Variants in ANKRD12 observed in about 807,000 individuals in gnomAD.
ANKRD12 encodes the protein ankyrin repeat domain 12.
In ANKRD12, 85 loss-of-function variants were observed where a neutral mutation model predicts 183.4. The ratio of observed to expected loss-of-function variants is 0.46; its 90% CI spans 0.39 to 0.56. The LOEUF (loss-of-function observed/expected upper bound fraction) is 0.56, where lower values mean the gene tolerates loss of function less well. Among genes scored for constraint, ANKRD12 ranks in the 20% least tolerant of loss-of-function variants. The pLI is 0.00. For missense variants in ANKRD12, 2,405 were observed against 2,357.1 expected (o/e 1.02, Z -0.42); for synonymous variants, 914 against 800.2 (o/e 1.14, Z -2.40).
At chr18:9,272,408 C>A (rs1272145530) in intron 10 of ANKRD12, among the ~76,000 whole-genome samples, 10 of 151,866 alleles carry the variant, frequency 6.6e-5, no homozygotes. Context: ...ACTAAAAATA[C>A]AAAATTAGCC....
rs1318443457 is a variant in ANKRD12 at position 9,200,072 on chromosome 18, C to T, written c.235+4374C>T. Among the ~76,000 whole-genome samples, 7 of 152,198 alleles carry T rather than the reference C, an allele frequency of 4.6e-5. No individual in the cohort carries two copies. In the East Asian group the frequency reaches 1.3e-3, roughly 29 times the overall value. On this transcript the variant is annotated intron_variant, in intron 3 of 12. Coordinates refer to ENST00000262126, the MANE Select transcript of ANKRD12 (RefSeq NM_015208.5). ...CCCAAATCAGCAGTAATGCTGTCTACTGAATGAGAGATTCCTAGCCTTCAT... is the reference window on the plus strand; with the variant it reads ...CCCAAATCAGCAGTAATGCTGTCTATTGAATGAGAGATTCCTAGCCTTCAT...
chr18:9,139,367 C>T (rs150965358), intron 1 of ANKRD12, among the ~76,000 whole-genome samples: 1 of 152,162 alleles, frequency 6.6e-6, no homozygotes, highest in Admixed American at 6.5e-5. Context: ...GACTGATACT[C>T]TTTTGAAGTA....
intron 1 of ANKRD12, among the ~76,000 whole-genome samples, chr18:9,153,993 T>C (rs2029999120): frequency 6.6e-6 from 1 of 152,176 alleles, no homozygotes; most frequent in Non-Finnish European, 1.5e-5. Context: ...CTAAGAGGAT[T>C]TTAAATGTTT....
At chr18:9,170,820 T>C (rs564334732) in intron 1 of ANKRD12, among the ~76,000 whole-genome samples, 1 of 152,214 alleles carries the variant, frequency 6.6e-6, no homozygotes, top group Non-Finnish European at 1.5e-5. Flanking sequence ...TCTGTTTTTT[T>C]CCCATCTTTG....
intron 1 of ANKRD12, among the ~76,000 whole-genome samples, chr18:9,179,730 C>T (rs1235713720): frequency 6.6e-6 from 1 of 152,130 alleles, no homozygotes; most frequent in Non-Finnish European, 1.5e-5. Flanking sequence ...TGTCCTCAGG[C>T]TGGTCTTGAA....
At chr18:9,179,110 A>G (rs2033509467) in intron 1 of ANKRD12, among the ~76,000 whole-genome samples, 2 of 152,164 alleles carry the variant, frequency 1.3e-5, no homozygotes, top group African/African-American at 2.4e-5. Context: ...AATAATTTTT[A>G]TATATTGACC....
At chr18:9,193,135 A>ATTT (rs397751904) in intron 2 of ANKRD12, among the ~76,000 whole-genome samples, 2 of 128,462 alleles carry the variant, frequency 1.6e-5, no homozygotes, top group Admixed American at 8.0e-5. Flanking sequence ...TGAGTACAGC[A>ATTT]TTTTTTTTTT....
chr18:9,254,150 T>A (rs926858797), intron 8 of ANKRD12, 61 bp from the exon 9 acceptor site: 2 of 1,436,234 alleles, frequency 1.4e-6, no homozygotes, highest in Admixed American at 2.6e-5. Flanking sequence ...GAAAAAAAAA[T>A]TATTTTTCTG....
rs755211254 is a variant in ANKRD12 at position 9,255,573 on chromosome 18, A to G, written c.2306A>G (p.Asp769Gly). 11 of 1,569,304 alleles carry G rather than the reference A, an allele frequency of 7.0e-6. No homozygotes were observed. Among genetic ancestry groups the G allele is most frequent in the Non-Finnish European group, 9.4e-6 (11 of 1,168,516 alleles). ...TCTTTTAGGGAGGAAAAAATAAAAG[A>G]TCTAAAAGAAGAGAGAGAAAACATA... ...EKSFREEKIK[D>G]LKEERENIPT... is the part of the protein sequence containing the mutation. The change falls in exon 9 of 13, where the codon GAT becomes GGT. Residue 769 changes from aspartate (D) to glycine (G), a missense_variant. Asp to Gly is a moderately conservative substitution (Grantham distance 94). Transcript: ENST00000262126.
intron 1 of ANKRD12, among the ~76,000 whole-genome samples, chr18:9,168,017 C>G (rs2032273521): frequency 6.6e-6 from 1 of 152,130 alleles, no homozygotes; most frequent in Admixed American, 6.6e-5. Context: ...TGCTGGCTTA[C>G]ATTTATTGAT....
chr18:9,230,191 T>TA (rs1192679206), intron 8 of ANKRD12, among the ~76,000 whole-genome samples: 21 of 152,356 alleles, frequency 1.4e-4, no homozygotes, highest in African/African-American at 4.3e-4. Flanking sequence ...GATTTTCTGT[T>TA]ACTTTCTGGT....
In ANKRD12 at chr18:9,147,123, T is replaced by G. The variant is rs191210267; in HGVS notation, c.-52+10158T>G. On this transcript the variant is annotated intron_variant, in intron 1 of 12. Transcript: ENST00000262126. ...ATTTGGACGTAGTTTTTTTTTAGGA[T>G]CTCAGGCTTATATTGCAGAAGCAGT... 1.8e-3 allele frequency among the ~76,000 whole-genome samples: 276 copies of G among 152,296 alleles called. 3 individuals carry two copies. The highest frequency in any genetic ancestry group is 1.4e-3 in the South Asian group (7 of 4,828).
At chr18:9,163,449 T>C (rs770488978) in intron 1 of ANKRD12, among the ~76,000 whole-genome samples, 1 of 152,214 alleles carries the variant, frequency 6.6e-6, no homozygotes, top group Non-Finnish European at 1.5e-5. Context: ...GCTGTAGCCC[T>C]GTAGTCTGGT....
intron 8 of ANKRD12, among the ~76,000 whole-genome samples, chr18:9,237,488 AT>A (rs2037412503): frequency 6.6e-6 from 1 of 152,190 alleles, no homozygotes. Context: ...GGGGCAAAAA[AT>A]ATAGCCATCA....
At chr18:9,180,446 T>C (rs182405215) in intron 1 of ANKRD12, among the ~76,000 whole-genome samples, 181 of 152,290 alleles carry the variant, frequency 1.2e-3, no homozygotes, top group African/African-American at 4.2e-3. Context: ...TATATTATTA[T>C]TAATATTTGG....
intron 8 of ANKRD12, 118 bp from the exon 9 acceptor site, chr18:9,254,093 T>G: frequency 8.8e-7 from 1 of 1,140,204 alleles, no homozygotes; most frequent in East Asian, 3.0e-5. Flanking sequence ...CTGAAGTGAT[T>G]ATGAATTGTT....
intron 5 of ANKRD12, 22 bp from the exon 6 acceptor site, chr18:9,211,562 C>A: frequency 6.2e-7 from 1 of 1,605,204 alleles, no homozygotes. Flanking sequence ...AGAACTTCTG[C>A]TAACTTTCTT....
chr18:9,191,118 T>C (rs971454980), intron 2 of ANKRD12, among the ~76,000 whole-genome samples: 1 of 152,254 alleles, frequency 6.6e-6, no homozygotes, highest in African/African-American at 2.4e-5. Context: ...CCATTGATGC[T>C]TTCATTATTA....
At chr18:9,174,685 C>T (rs1026371418) in intron 1 of ANKRD12, among the ~76,000 whole-genome samples, 1 of 152,188 alleles carries the variant, frequency 6.6e-6, no homozygotes, top group African/African-American at 2.4e-5. Context: ...TCATGCCATC[C>T]TCCTAATCAG....
Sources: allele counts gnomAD v4.1 joint callset (sites outside exome capture counted in the v4.1 genomes callset), GRCh38; gene constraint gnomAD v4.1.1; transcripts MANE v1.5; gene names NCBI Gene and HGNC (gene_info 2026-07-23, HGNC 2026-07-21).